Variants in TLDC2 observed in about 807,000 individuals in gnomAD.
TLDC2 encodes the protein TBC/LysM-associated domain containing 2.
A neutral mutation model predicts 27.9 loss-of-function variants in TLDC2; 23 were observed. That is an observed-to-expected ratio of 0.82 (90% CI 0.59 to 1.17). The LOEUF is 1.17. Among genes scored for constraint, TLDC2 ranks in the 50% most tolerant of loss-of-function variants. The probability of loss-of-function intolerance (pLI) is 0.00; values close to 1 mark genes in which losing one functional copy is unlikely to be tolerated. For missense variants in TLDC2, 286 were observed against 273.4 expected, an observed-to-expected ratio of 1.05 and a Z score of -0.32; for synonymous variants, 124 against 107.4, an observed-to-expected ratio of 1.16 and a Z score of -0.96.
In TLDC2 at chr20:36,876,186, C is replaced by T. The variant is rs1287658990; in HGVS notation, c.12C>T (p.Leu4=). 6.2e-7 allele frequency: 1 copy of T among 1,614,168 alleles called. No individual in the cohort carries two copies. Among genetic ancestry groups the T allele is most frequent in the Admixed American group, 1.7e-5 (1 of 60,024 alleles). Residue 4 remains leucine, a synonymous_variant, in exon 1 of 7, where the codon CTC becomes CTT. Coordinates refer to ENST00000217320, the MANE Select transcript of TLDC2 (RefSeq NM_080628.3). ...GCAGGGACAGGAGAATGAGAGGCCTCCGCTGGCGTTACACTCGGCTGGTAA... is the reference window on the plus strand; with the variant it reads ...GCAGGGACAGGAGAATGAGAGGCCTTCGCTGGCGTTACACTCGGCTGGTAA... MRG[L]RWRYTRLPSQ... is the part of the protein sequence containing the mutation.
chr20:36,892,362 G>A (rs1389095176), intron 6 of TLDC2: 1 of 184,318 alleles, frequency 5.4e-6, no homozygotes, highest in Non-Finnish European at 1.1e-5. Flanking sequence ...TGAGGTGACA[G>A]GGAACTCTTC....
Position 36,877,941 on chromosome 20 carries a change from G to A in TLDC2, c.76G>A (p.Glu26Lys), listed in dbSNP as rs141563351. The A allele has an allele frequency of 9.2e-4, 1,480 of 1,614,008 alleles. 13 individuals carry two copies. The African/African-American group carries it at 0.018, about 19-fold the overall frequency. The change falls in exon 2 of 7, where the codon GAA (glutamate) becomes AAA (lysine). Residue 26 changes from glutamate to lysine, a missense_variant. Physicochemically the swap from Glu to Lys is moderately conservative, Grantham distance 56. Coordinates refer to ENST00000217320, the MANE Select transcript of TLDC2 (RefSeq NM_080628.3). Reference sequence around the variant, plus strand: ...CACCCTGTCTGGGGAGGAGGGTAACGAAGAGGAAGAGGAGGAGGAGGCAGC... The same window carrying A: ...CACCCTGTCTGGGGAGGAGGGTAACAAAGAGGAAGAGGAGGAGGAGGCAGC... ...EDTLSGEEGNEEEEEEEAAPD... is the reference protein window; with the variant it reads ...EDTLSGEEGNKEEEEEEAAPD...
At chr20:36,880,073 A>ATATATATATATATATG (rs1555828526) in intron 3 of TLDC2, among the ~76,000 whole-genome samples, 1,633 of 40,498 alleles carry the variant, frequency 0.04, 71 homozygotes, top group African/African-American at 0.087. Flanking sequence ...ATATATACAT[A>ATATATATATATATATG]TATATATATA....
rs553135812 is a variant in TLDC2, at chr20:36,887,968, G to A, written c.512+440G>A. On this transcript the variant is annotated intron_variant, in intron 5 of 6. Transcript: ENST00000217320. ...ATCCTGGTGTGACCTTCACATTCAG[G>A]GGGCATGCGTCTTATCCTGAGGGCG... Among the ~76,000 whole-genome samples the A allele has an allele frequency of 3.9e-5, 6 of 152,180 alleles. No individual in the cohort carries two copies. The South Asian group carries it at 1.2e-3, about 32-fold the overall frequency.
intron 3 of TLDC2, 37 bp downstream of exon 3, chr20:36,879,230 G>A (rs189937720): frequency 3.4e-4 from 536 of 1,591,416 alleles, no homozygotes; most frequent in Non-Finnish European, 4.2e-4. Context: ...GGCTCTGGGG[G>A]CACCCCACCA....
intron 2 of TLDC2, 117 bp from the exon 3 acceptor site, chr20:36,878,924 G>C: frequency 3.4e-6 from 5 of 1,480,688 alleles, no homozygotes; most frequent in Non-Finnish European, 4.7e-6. Flanking sequence ...ACAGCAAACT[G>C]CTCTATCGCC....
chr20:36,876,931 A>G (rs960861358), intron 1 of TLDC2, among the ~76,000 whole-genome samples: 1 of 152,210 alleles, frequency 6.6e-6, no homozygotes, highest in Non-Finnish European at 1.5e-5. Context: ...TGATGTGCCT[A>G]CACAACTCTA....
intron 5 of TLDC2, among the ~76,000 whole-genome samples, chr20:36,887,996 G>A (rs1373405698): frequency 3.9e-5 from 6 of 152,230 alleles, no homozygotes; most frequent in Admixed American, 3.3e-4. Context: ...TGAGGGCGGG[G>A]ATGAGAGCAT....
At chr20:36,888,444 T>C (rs974131834) in intron 5 of TLDC2, among the ~76,000 whole-genome samples, 3 of 151,842 alleles carry the variant, frequency 2.0e-5, no homozygotes, top group East Asian at 1.9e-4. Context: ...TGGTGGCTTG[T>C]GCCTGTAATC....
intron 6 of TLDC2, 21 bp from the exon 7 acceptor site, chr20:36,892,841 T>C (rs770241845): frequency 2.0e-6 from 3 of 1,497,242 alleles, no homozygotes; most frequent in East Asian, 2.3e-5. Flanking sequence ...AATTAAAGCA[T>C]GAGTTGTCAT....
At chr20:36,878,401 C>T (rs1714959862) in intron 2 of TLDC2, among the ~76,000 whole-genome samples, 1 of 152,010 alleles carries the variant, frequency 6.6e-6, no homozygotes, top group Non-Finnish European at 1.5e-5. Flanking sequence ...GCCAACATGG[C>T]AAAACCCTGT....
In TLDC2 at chr20:36,877,730, A is replaced by G. The variant is rs1334082497; in HGVS notation, c.34-169A>G. ...GAGGAAGCAGGCTGGCGGCAGGGGC[A>G]GCGTCCTGTCTGTCGTGGAAACCCC... On this transcript the variant is annotated intron_variant, in intron 1 of 6. Coordinates refer to ENST00000217320, the MANE Select transcript of TLDC2 (RefSeq NM_080628.3). Among the ~76,000 whole-genome samples, 4 of 152,184 alleles carry G rather than the reference A, an allele frequency of 2.6e-5. No homozygotes were observed. In the East Asian group the frequency reaches 7.7e-4, roughly 29 times the overall value.
intron 6 of TLDC2, chr20:36,890,396 C>CCCTTTCTTTCTTTCTTTCTTTT (rs143176006): frequency 7.0e-6 from 1 of 142,450 alleles, no homozygotes; most frequent in Non-Finnish European, 1.5e-5. Context: ...ATATTTCTTT[C>CCCTTTCTTTCTTTCTTTCTTTT]TCTTTCTTTC....
intron 4 of TLDC2, among the ~76,000 whole-genome samples, chr20:36,886,065 G>A (rs1477148595): frequency 6.6e-6 from 1 of 152,204 alleles, no homozygotes; most frequent in Non-Finnish European, 1.5e-5. Context: ...AGTCAATAAG[G>A]GGGAGAAGGG....
chr20:36,880,704 A>G lies in TLDC2; in HGVS notation c.392A>G (p.Tyr131Cys), dbSNP rs773972090. 11 of 1,614,118 alleles carry G rather than the reference A, an allele frequency of 6.8e-6. No homozygotes were observed. The highest frequency in any genetic ancestry group is 1.6e-4 in the Middle Eastern group (1 of 6,084). The change falls in exon 4 of 7, where the codon TAT becomes TGT. Residue 131 changes from tyrosine (Y) to cysteine (C), a missense_variant. Tyr to Cys is a radical substitution (Grantham distance 194). Coordinates refer to ENST00000217320, the MANE Select transcript of TLDC2 (RefSeq NM_080628.3). ...SSAIRLSKGF[Y>C]GTGETFLFSF... ...GCTATCCGACTCAGCAAAGGCTTCT[A>G]TGGTACTGGCGAGACATTCCTCTTC...
At chr20:36,887,338 G>C (rs992579450) in intron 4 of TLDC2, 117 bp from the exon 5 acceptor site, 5 of 885,334 alleles carry the variant, frequency 5.6e-6, no homozygotes, top group South Asian at 5.6e-5. Context: ...CCTGCGGCTC[G>C]GTTGGGGCCT....
At chr20:36,885,003 C>A (rs1468249367) in intron 4 of TLDC2, among the ~76,000 whole-genome samples, 1 of 151,356 alleles carries the variant, frequency 6.6e-6, no homozygotes, top group African/African-American at 2.4e-5. Context: ...CTCAGCCTCC[C>A]GAGTAGCTGG....
chr20:36,892,337 G>A (rs1990096517), intron 6 of TLDC2: 1 of 179,342 alleles, frequency 5.6e-6, no homozygotes, highest in Non-Finnish European at 1.2e-5. Context: ...ACTCTTAGAG[G>A]ACTATCCTCA....
intron 6 of TLDC2, chr20:36,890,408 T>TTCTTTCTTTCTTTCTTTCTTTC (rs1568754689): frequency 3.3e-5 from 5 of 149,696 alleles, no homozygotes; most frequent in African/African-American, 7.4e-5. Context: ...CTTTCTTTCT[T>TTCTTTCTTTCTTTCTTTCTTTC]TCTTTCTTTC....
Sources: allele counts gnomAD v4.1 joint callset (sites outside exome capture counted in the v4.1 genomes callset), GRCh38; gene constraint gnomAD v4.1.1; transcripts MANE v1.5; gene names NCBI Gene and HGNC (gene_info 2026-07-23, HGNC 2026-07-21).